The following CACNA2D3 variants were observed in gnomAD, a reference collection of about 807,000 sequenced individuals.
CACNA2D3 encodes the protein calcium voltage-gated channel auxiliary subunit alpha2delta 3.
CACNA2D3 carries 60 observed loss-of-function variants against 160.6 expected under a neutral mutation model. The ratio of observed to expected loss-of-function variants is 0.37; its 90% CI spans 0.30 to 0.46. The LOEUF (loss-of-function observed/expected upper bound fraction) is 0.46, where lower values mean the gene tolerates loss of function less well. Among genes scored for constraint, CACNA2D3 ranks in the 20% least tolerant of loss-of-function variants. The probability of loss-of-function intolerance (pLI) is 1.00; values close to 1 mark genes in which losing one functional copy is unlikely to be tolerated. For synonymous variants in CACNA2D3, 558 were observed against 492.9 expected (o/e 1.13, Z -1.75); for missense variants, 1,205 against 1,365.0 (o/e 0.88, Z 1.85).
At chr3:54,164,542 A>G (rs1700414229) in intron 2 of CACNA2D3, among the ~76,000 whole-genome samples, 1 of 152,206 alleles carries the variant, frequency 6.6e-6, no homozygotes, top group African/African-American at 2.4e-5. Context: ...CTTTTTGTCC[A>G]GACAGCTCTT....
chr3:55,055,070 C>CT (rs937605202), intron 35 of CACNA2D3, among the ~76,000 whole-genome samples: 7 of 151,956 alleles, frequency 4.6e-5, no homozygotes, highest in Non-Finnish European at 8.8e-5. Context: ...TTAAACAAGT[C>CT]TTTTTTATAT....
chr3:54,501,589 T>C (rs1701295460), intron 4 of CACNA2D3, among the ~76,000 whole-genome samples: 1 of 151,458 alleles, frequency 6.6e-6, no homozygotes, highest in South Asian at 2.1e-4. Context: ...CTGACTAATT[T>C]TTTTTTTTTT....
intron 2 of CACNA2D3, among the ~76,000 whole-genome samples, chr3:54,259,453 A>G (rs1393159959): frequency 6.6e-6 from 1 of 152,222 alleles, no homozygotes; most frequent in African/African-American, 2.4e-5. Flanking sequence ...AAAACCCTCA[A>G]AAAAAGAAAA....
intron 13 of CACNA2D3, among the ~76,000 whole-genome samples, chr3:54,802,707 G>A (rs940802477): frequency 6.6e-6 from 1 of 152,138 alleles, no homozygotes; most frequent in African/African-American, 2.4e-5. Flanking sequence ...GAGAGCAATG[G>A]TTCTCCCAGC....
At chr3:54,664,616 A>G (rs1700030724) in intron 11 of CACNA2D3, among the ~76,000 whole-genome samples, 1 of 152,224 alleles carries the variant, frequency 6.6e-6, no homozygotes, top group African/African-American at 2.4e-5. Context: ...CCTCTTGTTG[A>G]AAAATGTCTT....
At chr3:54,876,394 C>T (rs1699658554) in intron 18 of CACNA2D3, 1 of 152,202 alleles carries the variant, frequency 6.6e-6, no homozygotes, top group South Asian at 2.1e-4. Context: ...AGTCATCAAA[C>T]TCCCTTTCCT....
intron 17 of CACNA2D3, among the ~76,000 whole-genome samples, chr3:54,863,954 G>T (rs1455694491): frequency 6.6e-6 from 1 of 152,114 alleles, no homozygotes; most frequent in Non-Finnish European, 1.5e-5. Context: ...TTTCTCTGCA[G>T]TATATCTGGG....
At chr3:54,382,829 T>C (rs576034128) in intron 3 of CACNA2D3, among the ~76,000 whole-genome samples, 1 of 152,316 alleles carries the variant, frequency 6.6e-6, no homozygotes, top group East Asian at 1.9e-4. Context: ...TAGAAACTTC[T>C]GTCCCCATGA....
intron 11 of CACNA2D3, among the ~76,000 whole-genome samples, chr3:54,683,677 A>G (rs1700394367): frequency 6.6e-6 from 1 of 152,160 alleles, no homozygotes; most frequent in South Asian, 2.1e-4. Context: ...ATTGCCATCA[A>G]TACTATGTTT....
chr3:54,745,687 C>T (rs980749142), intron 11 of CACNA2D3, among the ~76,000 whole-genome samples: 1 of 152,176 alleles, frequency 6.6e-6, no homozygotes, highest in African/African-American at 2.4e-5. Context: ...TGTACCAACC[C>T]CAGGTCGTAG....
At chr3:54,941,565 T>A (rs1701467563) in intron 27 of CACNA2D3, among the ~76,000 whole-genome samples, 1 of 152,114 alleles carries the variant, frequency 6.6e-6, no homozygotes, top group South Asian at 2.1e-4. Context: ...GACATTTGGG[T>A]TTTTCAATAT....
chr3:55,033,017 A>T (rs1345266488), intron 35 of CACNA2D3, among the ~76,000 whole-genome samples: 2 of 152,084 alleles, frequency 1.3e-5, no homozygotes, highest in East Asian at 3.9e-4. Context: ...GTGATATTTA[A>T]AAACAAGTAT....
At chr3:54,144,216 G>A (rs1466058530) in intron 2 of CACNA2D3, among the ~76,000 whole-genome samples, 1 of 152,208 alleles carries the variant, frequency 6.6e-6, no homozygotes, top group Non-Finnish European at 1.5e-5. Context: ...TTTCCGAAAT[G>A]ATTTGTGTTC....
At chr3:54,827,235 T>C (rs895004680) in intron 14 of CACNA2D3, among the ~76,000 whole-genome samples, 1 of 152,260 alleles carries the variant, frequency 6.6e-6, no homozygotes, top group Admixed American at 6.5e-5. Context: ...CTCCTTCACT[T>C]GTGAAATGTG....
At chr3:55,052,126 C>A (rs1281452808) in intron 35 of CACNA2D3, among the ~76,000 whole-genome samples, 1 of 152,168 alleles carries the variant, frequency 6.6e-6, no homozygotes, top group Admixed American at 6.5e-5. Context: ...CTTGGCTCCT[C>A]CCCTCACACT....
At chr3:54,804,640 A>G (rs1703073523) in intron 13 of CACNA2D3, among the ~76,000 whole-genome samples, 2 of 152,192 alleles carry the variant, frequency 1.3e-5, no homozygotes, top group Non-Finnish European at 2.9e-5. Flanking sequence ...TAGACAGATC[A>G]ACGAGACAGA....
intron 29 of CACNA2D3, among the ~76,000 whole-genome samples, chr3:54,971,719 A>G (rs950209695): frequency 2.6e-5 from 4 of 152,222 alleles, no homozygotes; most frequent in Non-Finnish European, 5.9e-5. Context: ...AACATCCAAT[A>G]CATGTTCATT....
At chr3:54,274,215 C>CATATATATATATATATATAT (rs148715563) in intron 2 of CACNA2D3, among the ~76,000 whole-genome samples, 9 of 149,898 alleles carry the variant, frequency 6.0e-5, no homozygotes, top group South Asian at 4.2e-4. Flanking sequence ...GATTTCTATG[C>CATATATATATATATATATAT]ATATATATAT....
At chr3:54,733,896 C>T (rs1701442980) in intron 11 of CACNA2D3, among the ~76,000 whole-genome samples, 1 of 151,858 alleles carries the variant, frequency 6.6e-6, no homozygotes, top group Admixed American at 6.6e-5. Flanking sequence ...CAAGTTCAAA[C>T]AGCTGGGATT....
Sources: allele counts gnomAD v4.1 joint callset (sites outside exome capture counted in the v4.1 genomes callset), GRCh38; gene constraint gnomAD v4.1.1; transcripts MANE v1.5; gene names NCBI Gene and HGNC (gene_info 2026-07-23, HGNC 2026-07-21).